Variants in THSD4 observed in about 807,000 individuals in gnomAD.
THSD4 encodes the protein thrombospondin type-1 domain-containing protein 4.
In THSD4, 69 loss-of-function variants were observed where a neutral mutation model predicts 119.0. The ratio of observed to expected loss-of-function variants is 0.58; its 90% CI spans 0.48 to 0.71. THSD4 has a LOEUF of 0.71. THSD4 is among the 30% of genes least tolerant of loss of function. The pLI, the probability that THSD4 is intolerant of heterozygous loss-of-function variation, is 0.00. For missense variants in THSD4, 1,393 were observed against 1,391.1 expected (o/e 1.00, Z -0.02); for synonymous variants, 524 against 540.4 (o/e 0.97, Z 0.42).
chr15:71,591,080 G>A (rs1273545012), intron 7 of THSD4, among the ~76,000 whole-genome samples: 8 of 145,204 alleles, frequency 5.5e-5, no homozygotes, highest in African/African-American at 2.0e-4. Context: ...ATGACAGTAT[G>A]TATGATAACA....
Position 71,553,380 on chromosome 15 carries a change from C to G in THSD4, c.1153-107150C>G, listed in dbSNP as rs1042969745. Among the ~76,000 whole-genome samples the G allele has an allele frequency of 6.7e-5, 10 of 149,422 alleles. No individual in the cohort carries two copies. The South Asian group carries it at 2.1e-3, about 32-fold the overall frequency. On this transcript the variant is annotated intron_variant, in intron 7 of 17. Transcript: ENST00000261862. ...TGCTCTTGTTGCCCAGGCTGGAGTG[C>G]AATGGCGTGATCTCGGCTCACTGCA...
intron 10 of THSD4, among the ~76,000 whole-genome samples, chr15:71,737,449 T>C (rs538698282): frequency 2.4e-4 from 36 of 152,342 alleles, no homozygotes; most frequent in African/African-American, 8.2e-4. Flanking sequence ...AGGATTTTTG[T>C]ATGGGTTTTG....
chr15:71,710,206 G>C (rs1340167337), intron 8 of THSD4, among the ~76,000 whole-genome samples: 3 of 152,162 alleles, frequency 2.0e-5, no homozygotes, highest in African/African-American at 7.2e-5. Flanking sequence ...GCAACAGGGA[G>C]GTGCCCCCCT....
chr15:71,227,086 T>C (rs1451115021), intron 4 of THSD4, among the ~76,000 whole-genome samples: 1 of 152,224 alleles, frequency 6.6e-6, no homozygotes, highest in Non-Finnish European at 1.5e-5. Context: ...GTAGCAGAGC[T>C]AGGCCTGATG....
chr15:71,618,655 C>T (rs2050364633), intron 7 of THSD4, among the ~76,000 whole-genome samples: 1 of 152,092 alleles, frequency 6.6e-6, no homozygotes, highest in Non-Finnish European at 1.5e-5. Context: ...CTTATTGCAG[C>T]CTCAGCCTCC....
At chr15:71,362,209 G>A (rs1175956762) in intron 6 of THSD4, among the ~76,000 whole-genome samples, 2 of 152,202 alleles carry the variant, frequency 1.3e-5, no homozygotes, top group Non-Finnish European at 2.9e-5. Context: ...AACCTGGGAG[G>A]TGGAGGTTGC....
chr15:71,563,089 C>A (rs916056939), intron 7 of THSD4, among the ~76,000 whole-genome samples: 13 of 152,164 alleles, frequency 8.5e-5, no homozygotes, highest in African/African-American at 2.2e-4. Context: ...TCCCAGTAAG[C>A]CTGTAAGCAG....
chr15:71,641,852 A>G (rs949689497), intron 7 of THSD4, among the ~76,000 whole-genome samples: 3 of 152,220 alleles, frequency 2.0e-5, no homozygotes, highest in Non-Finnish European at 4.4e-5. Context: ...TACCTATACC[A>G]CAGTAAAGTT....
In THSD4 at chr15:71,613,876, T is replaced by G. The variant is rs574880263; in HGVS notation, c.1153-46654T>G. ...AGGTATAGCTCATCTGGGCTTTGTA[T>G]ATCTGTAACTGATATCTGTCTATGG... On this transcript the variant is annotated intron_variant, in intron 7 of 17. Coordinates refer to ENST00000261862, the MANE Select transcript of THSD4 (RefSeq NM_024817.3). Among the ~76,000 whole-genome samples the G allele has an allele frequency of 2.3e-4, 35 of 152,346 alleles. 1 individual carries two copies. The highest frequency in any genetic ancestry group is 2.1e-3 in the South Asian group (10 of 4,822).
At chr15:71,166,314 C>T (rs1035384785) in intron 3 of THSD4, among the ~76,000 whole-genome samples, 9 of 151,976 alleles carry the variant, frequency 5.9e-5, no homozygotes, top group Admixed American at 1.3e-4. Context: ...GGCTACTGAC[C>T]CCCAACACAA....
rs1231445041 is a variant in THSD4 at position 71,494,760 on chromosome 15, CT to C, written c.1152+82938del. Among the ~76,000 whole-genome samples, 5 of 152,162 alleles carry C rather than the reference CT, an allele frequency of 3.3e-5. No individual in the cohort carries two copies. In the East Asian group the frequency reaches 9.6e-4, roughly 29 times the overall value. ...TTCGGCTCTTGATTTTATGCCAGTG[CT>C]AGTGAAATTTCACAGCTGGTTATTA... On this transcript the variant is annotated intron_variant, in intron 7 of 17. Transcript: ENST00000261862.
At chr15:71,702,137 C>T (rs2052302951) in intron 8 of THSD4, among the ~76,000 whole-genome samples, 1 of 152,104 alleles carries the variant, frequency 6.6e-6, no homozygotes, top group African/African-American at 2.4e-5. Flanking sequence ...CTCCCATCTG[C>T]TTGCTCTTCC....
rs542511058 is a variant in THSD4 at position 71,398,337 on chromosome 15, T to C, written c.1016-13350T>C. ...TGGTGGGAAAGGAGGAGTATAAAGC[T>C]ACAACAGGTTCTTGAAGGGAGGGTG... On this transcript the variant is annotated intron_variant, in intron 6 of 17. Coordinates refer to ENST00000261862, the MANE Select transcript of THSD4 (RefSeq NM_024817.3). Among the ~76,000 whole-genome samples the C allele has an allele frequency of 3.3e-5, 5 of 152,160 alleles. No homozygotes were observed. The East Asian group carries it at 9.7e-4, about 29-fold the overall frequency.
At chr15:71,620,325 G>T (rs1291009533) in intron 7 of THSD4, among the ~76,000 whole-genome samples, 1 of 152,114 alleles carries the variant, frequency 6.6e-6, no homozygotes, top group Non-Finnish European at 1.5e-5. Context: ...GGGTGTGGGG[G>T]CTCATGCCTG....
At chr15:71,524,709 A>C (rs2048492822) in intron 7 of THSD4, among the ~76,000 whole-genome samples, 1 of 132,232 alleles carries the variant, frequency 7.6e-6, no homozygotes, top group South Asian at 2.4e-4. Flanking sequence ...CCATTCTCCT[A>C]CCTCAGCCTC....
intron 6 of THSD4, among the ~76,000 whole-genome samples, chr15:71,327,796 T>C (rs1044642463): frequency 3.3e-5 from 5 of 152,224 alleles, no homozygotes; most frequent in African/African-American, 9.6e-5. Context: ...CCTTCAAATA[T>C]ACACAAACAC....
chr15:71,748,544 G>A lies in THSD4; in HGVS notation c.2365G>A (p.Asp789Asn), dbSNP rs1217499084. ...CCGGCCGAATGACATTGAGAACTGC[G>A]ACATGGGACCCTGTGCCAAGAGCTG... ...KLRPNDIENC[D>N]MGPCAKSWFL... Residue 789 changes from aspartate (D) to asparagine (N), a missense_variant, in exon 14 of 18, where the codon GAC (aspartate) becomes AAC (asparagine). By Grantham distance (23) the Asp-to-Asn change is conservative (BLOSUM62 1). Transcript: ENST00000261862. 7 of 1,614,208 alleles carry A rather than the reference G, an allele frequency of 4.3e-6. No homozygotes were observed. The highest frequency in any genetic ancestry group is 4.5e-5 in the East Asian group (2 of 44,880).
At chr15:71,189,710 A>G (rs1405389927) in intron 3 of THSD4, among the ~76,000 whole-genome samples, 4 of 152,044 alleles carry the variant, frequency 2.6e-5, no homozygotes, top group African/African-American at 4.8e-5. Context: ...TGTGCCCCAA[A>G]TGTTCTGTTT....
At chr15:71,390,255 A>G (rs998050812) in intron 6 of THSD4, among the ~76,000 whole-genome samples, 3 of 152,178 alleles carry the variant, frequency 2.0e-5, no homozygotes, top group African/African-American at 7.2e-5. Context: ...AGGGCTTAAG[A>G]GAGCTCATAT....
Sources: gnomAD v4.1 joint callset for allele counts (sites outside exome capture counted in the v4.1 genomes callset) on GRCh38, gnomAD v4.1.1 for gene constraint, MANE v1.5 for transcripts, NCBI Gene and HGNC (gene_info 2026-07-23, HGNC 2026-07-21) for gene names.